Variants in EFCAB13 observed in about 807,000 individuals in gnomAD.
EFCAB13 encodes the protein EF-hand calcium binding domain 13.
In EFCAB13, 91 loss-of-function variants were observed where a neutral mutation model predicts 110.2. That is an observed-to-expected ratio of 0.83 (90% CI 0.70 to 0.98). The LOEUF (loss-of-function observed/expected upper bound fraction) is 0.98, where lower values mean the gene tolerates loss of function less well. Among genes scored for constraint, EFCAB13 ranks in the 50% least tolerant of loss-of-function variants. The pLI is 0.00. For missense variants in EFCAB13, 968 were observed against 1,119.4 expected, an observed-to-expected ratio of 0.86 and a Z score of 1.93; for synonymous variants, 323 against 369.9, an observed-to-expected ratio of 0.87 and a Z score of 1.45.
chr17:47,377,199 A>G (rs555002192), intron 12 of EFCAB13, among the ~76,000 whole-genome samples: 1 of 152,132 alleles, frequency 6.6e-6, no homozygotes, highest in East Asian at 1.9e-4. Flanking sequence ...ACACACACAC[A>G]CACTCAGGCT....
chr17:47,353,117 T>C (rs1252278089), intron 9 of EFCAB13, among the ~76,000 whole-genome samples: 1 of 152,066 alleles, frequency 6.6e-6, no homozygotes, highest in African/African-American at 2.4e-5. Flanking sequence ...CAGTAATATA[T>C]TCAATAGGAG....
chr17:47,440,696 C>T lies in EFCAB13; in HGVS notation c.2904C>T (p.Asn968=), dbSNP rs184988439. Residue 968 remains asparagine, a synonymous_variant, in exon 25 of 25, where the codon AAC becomes AAT. Transcript: ENST00000331493. ...CTAAGGCAAATATTGCTAAGCTTAA[C>T]CCAAACTCAAAATTTTAGGTAGTCT... The part of the protein sequence containing the change: ...LNSKANIAKL[N]PNSKF The T allele has an allele frequency of 3.5e-4, 542 of 1,567,804 alleles. 7 individuals are homozygous for T. In the Admixed American group the frequency reaches 0.01, roughly 30 times the overall value.
At chr17:47,402,063 A>G in intron 17 of EFCAB13, 69 bp from the exon 18 acceptor site, 2 of 1,206,772 alleles carry the variant, frequency 1.7e-6, no homozygotes, top group East Asian at 2.3e-5. Context: ...TTACATTTTT[A>G]TAGGTTGCTT....
At chr17:47,376,844 C>T (rs947422366) in intron 12 of EFCAB13, among the ~76,000 whole-genome samples, 1 of 152,184 alleles carries the variant, frequency 6.6e-6, no homozygotes, top group African/African-American at 2.4e-5. Context: ...ATGACCTTGA[C>T]ACTTTGAAGA....
chr17:47,423,863 T>C (rs1244251623), intron 23 of EFCAB13, among the ~76,000 whole-genome samples: 1 of 151,910 alleles, frequency 6.6e-6, no homozygotes, highest in Non-Finnish European at 1.5e-5. Flanking sequence ...CCTAGACCTT[T>C]ACCTGCTACT....
At chr17:47,327,227 G>A (rs1159414161) in intron 3 of EFCAB13, among the ~76,000 whole-genome samples, 2 of 152,012 alleles carry the variant, frequency 1.3e-5, no homozygotes, top group Non-Finnish European at 1.5e-5. Context: ...GTGCAGTGGC[G>A]TGGTCTTGGC....
Position 47,393,756 on chromosome 17 carries a change from A to AT in EFCAB13, c.1727-269_1727-268insT, listed in dbSNP as rs71141906. On this transcript the variant is annotated intron_variant, in intron 15 of 24. Coordinates refer to ENST00000331493, the MANE Select transcript of EFCAB13 (RefSeq NM_152347.5). ...AATAAATAAATAAATAAATAAATAA[A>AT]AATAAAAATAAATAAAAGTTAAAAA... 1.2e-3 allele frequency among the ~76,000 whole-genome samples: 156 copies of AT among 125,200 alleles called. No homozygotes were observed. In the Middle Eastern group the frequency reaches 0.013, roughly 10 times the overall value. 82.1% of individuals were successfully genotyped at this position (125,200 alleles called of 152,430 possible). A position where few individuals can be genotyped will look rare whatever the true frequency, so the allele number is the denominator to read the frequency against.
At chr17:47,435,878 T>C (rs1054266599) in intron 24 of EFCAB13, among the ~76,000 whole-genome samples, 2 of 152,196 alleles carry the variant, frequency 1.3e-5, no homozygotes, top group African/African-American at 4.8e-5. Flanking sequence ...TCAGAGGGAA[T>C]GCTTTCAGCT....
chr17:47,361,561 G>A, intron 10 of EFCAB13, 40 bp downstream of exon 10: 1 of 1,502,066 alleles, frequency 6.7e-7, no homozygotes. Flanking sequence ...CCATATATAT[G>A]TGCATATATT....
intron 24 of EFCAB13, among the ~76,000 whole-genome samples, chr17:47,433,983 GTTTA>G (rs1905165883): frequency 6.6e-6 from 1 of 151,870 alleles, no homozygotes; most frequent in Non-Finnish European, 1.5e-5. Context: ...TGTGATTATT[GTTTA>G]TTTGTGTTTA....
intron 6 of EFCAB13, among the ~76,000 whole-genome samples, chr17:47,342,683 A>G (rs2143260777): frequency 6.6e-6 from 1 of 152,196 alleles, no homozygotes; most frequent in Middle Eastern, 3.4e-3. Context: ...GGAAAATTCT[A>G]ATATGTTATC....
At chr17:47,375,444 C>G (rs1194565470) in intron 12 of EFCAB13, among the ~76,000 whole-genome samples, 1 of 151,818 alleles carries the variant, frequency 6.6e-6, no homozygotes, top group African/African-American at 2.4e-5. Flanking sequence ...TAGGAACATG[C>G]CACCACACCC....
At position 47,379,237 on chromosome 17, in the gene EFCAB13, T is replaced by C. The variant is rs761883131; in HGVS notation, c.1566T>C (p.Ser522=). The change falls in exon 14 of 25, where the codon AGT becomes AGC. Residue 522 remains serine (S), a synonymous_variant. Coordinates refer to ENST00000331493, the MANE Select transcript of EFCAB13 (RefSeq NM_152347.5). The stretch of plus-strand genomic sequence containing the variant: ...TAAATGCTCTCGCCAAGGAGCGAAG[T>C]TTTCCTGAATGCAATGGTAGGTAGG... ...DFVNALAKER[S]FPECNALPGV... is the part of the protein sequence containing the mutation. The C allele has an allele frequency of 3.1e-6, 5 of 1,612,958 alleles. No individual in the cohort carries two copies. The highest frequency in any genetic ancestry group is 4.2e-6 in the Non-Finnish European group (5 of 1,179,234).
intron 9 of EFCAB13, among the ~76,000 whole-genome samples, chr17:47,360,496 G>C (rs908558419): frequency 3.0e-4 from 46 of 152,052 alleles, no homozygotes; most frequent in Admixed American, 2.4e-3. Flanking sequence ...TTGTAAATTT[G>C]TTTGAGTTCA....
intron 20 of EFCAB13, among the ~76,000 whole-genome samples, chr17:47,406,249 A>C (rs2065804710): frequency 6.6e-6 from 1 of 152,038 alleles, no homozygotes; most frequent in African/African-American, 2.4e-5. Flanking sequence ...AGTAGCTGGG[A>C]TTCAGGTGCA....
At chr17:47,387,634 C>G (rs867242197) in intron 14 of EFCAB13, among the ~76,000 whole-genome samples, 1 of 143,136 alleles carries the variant, frequency 7.0e-6, no homozygotes, top group Non-Finnish European at 1.6e-5. Context: ...TGAGAGCTCA[C>G]ACATTGCTGT....
intron 24 of EFCAB13, among the ~76,000 whole-genome samples, chr17:47,437,491 A>AAGGC (rs1235327108): frequency 6.6e-6 from 1 of 152,172 alleles, no homozygotes; most frequent in Non-Finnish European, 1.5e-5. Flanking sequence ...CCTGTTGGAT[A>AAGGC]AGGCCTTTAG....
intron 20 of EFCAB13, chr17:47,409,358 G>A: frequency 3.2e-6 from 1 of 311,276 alleles, no homozygotes; most frequent in Non-Finnish European, 6.0e-6. Flanking sequence ...ACCGGCTGGG[G>A]ATTAACTTCT....
At chr17:47,401,891 A>G (rs1049159003) in intron 17 of EFCAB13, among the ~76,000 whole-genome samples, 1 of 151,898 alleles carries the variant, frequency 6.6e-6, no homozygotes, top group African/African-American at 2.4e-5. Context: ...TGGTCCACCC[A>G]CCTCAGCCTC....
Sources: allele counts gnomAD v4.1 joint callset (sites outside exome capture counted in the v4.1 genomes callset), GRCh38; gene constraint gnomAD v4.1.1; transcripts MANE v1.5; gene names NCBI Gene and HGNC (gene_info 2026-07-23, HGNC 2026-07-21).